AIM2: variants seen among roughly 807,000 people sequenced by gnomAD.
AIM2 encodes the protein absent in melanoma 2.
In AIM2, 30 loss-of-function variants were observed where a neutral mutation model predicts 27.7. The observed-to-expected ratio is 1.08, with a 90% CI of 0.81 to 1.47. The LOEUF (loss-of-function observed/expected upper bound fraction) is 1.47. Among genes scored for constraint, AIM2 ranks in the 40% most tolerant of loss-of-function variants. AIM2 has a pLI of 0.00. For synonymous variants in AIM2, 141 were observed against 145.3 expected, an observed-to-expected ratio of 0.97 and a Z score of 0.21; for missense variants, 358 against 411.3, an observed-to-expected ratio of 0.87 and a Z score of 1.12.
At chr1:159,114,393 T>A (rs548207276) in intron 1 of AIM2, among the ~76,000 whole-genome samples, 5 of 152,198 alleles carry the variant, frequency 3.3e-5, no homozygotes, top group African/African-American at 4.8e-5. Context: ...TGACCAGTCC[T>A]GCTTGGAAAA....
At chr1:159,121,452 A>G (rs913804562) in intron 1 of AIM2, among the ~76,000 whole-genome samples, 10 of 152,164 alleles carry the variant, frequency 6.6e-5, no homozygotes, top group Admixed American at 6.5e-4. Context: ...GATCTCAGAG[A>G]CCAGTTTGAC....
chr1:159,080,634 C>T (rs1656754952), upstream of AIM2, among the ~76,000 whole-genome samples: 1 of 152,132 alleles, frequency 6.6e-6, no homozygotes, highest in African/African-American at 2.4e-5. Context: ...TTAGGCCTCA[C>T]CCCCAGCATT....
downstream of AIM2, among the ~76,000 whole-genome samples, chr1:159,058,281 G>A (rs1019522019): frequency 2.6e-5 from 4 of 151,600 alleles, no homozygotes; most frequent in East Asian, 1.9e-4. Flanking sequence ...CCCGGGAGGC[G>A]GAGGTTGCAG....
Position 159,095,377 on chromosome 1 carries a change from A to G in AIM2, c.-15-29048T>C, listed in dbSNP as rs537317805. Among the ~76,000 whole-genome samples the G allele has an allele frequency of 6.6e-5, 10 of 152,330 alleles. 1 individual carries two copies. In the South Asian group the frequency reaches 1.0e-3, roughly 16 times the overall value. On this transcript the variant is annotated intron_variant, in intron 1 of 2. Transcript: ENST00000368129. The stretch of plus-strand genomic sequence containing the variant: ...TTGTTACAAATGTCAACTCGAATCA[A>G]TTTGGTAGTGGTTGCATGTACTTGA...
chr1:159,074,402 T>C (rs1446107684), intron 1 of AIM2, among the ~76,000 whole-genome samples: 2 of 152,222 alleles, frequency 1.3e-5, no homozygotes, highest in Non-Finnish European at 2.9e-5. Flanking sequence ...TTCATATGAA[T>C]ATGAATTTTC....
rs370997800 is a variant in AIM2, at chr1:159,073,256, G to T, written c.244C>A (p.Gln82Lys). 3.1e-6 allele frequency: 5 copies of T among 1,614,166 alleles called. No individual in the cohort carries two copies. Among genetic ancestry groups the T allele is most frequent in the Non-Finnish European group, 4.2e-6 (5 of 1,180,022 alleles). Residue 82 changes from glutamine to lysine, a missense_variant, in exon 2 of 6, where the codon CAG becomes AAG. Coordinates refer to ENST00000368130, the MANE Select transcript of AIM2 (RefSeq NM_004833.3). Reference sequence around the variant, plus strand: ...ACATTACCTTTCTCCTTCTCCTCCTGAAGACGTTTTGCCAAAAGCATATAA... The same window carrying T: ...ACATTACCTTTCTCCTTCTCCTCCTTAAGACGTTTTGCCAAAAGCATATAA... Reference protein sequence around the residue: ...LNYMLLAKRLQEEKEKVDKQY... With the variant: ...LNYMLLAKRLKEEKEKVDKQY...
chr1:159,129,790 T>A (rs767727677), intron 1 of AIM2, among the ~76,000 whole-genome samples: 16 of 152,224 alleles, frequency 1.1e-4, no homozygotes, highest in Non-Finnish European at 1.9e-4. Context: ...CCTTCAATGT[T>A]TGTCTTTATG....
chr1:159,093,609 A>G (rs1243117925), intron 1 of AIM2, among the ~76,000 whole-genome samples: 2 of 152,164 alleles, frequency 1.3e-5, no homozygotes, highest in Non-Finnish European at 2.9e-5. Context: ...AATACATTAC[A>G]GCTGTGAAAA....
intron 1 of AIM2, among the ~76,000 whole-genome samples, chr1:159,109,482 T>C (rs570986253): frequency 6.6e-6 from 1 of 152,304 alleles, no homozygotes; most frequent in East Asian, 1.9e-4. Context: ...GAAAAAACCC[T>C]TCTAGACATT....
chr1:159,131,309 C>T (rs1647867243), intron 1 of AIM2, among the ~76,000 whole-genome samples: 1 of 152,102 alleles, frequency 6.6e-6, no homozygotes, highest in Non-Finnish European at 1.5e-5. Context: ...TACTGTGTTT[C>T]TCTAAATTCT....
At chr1:159,126,251 A>G (rs1337976498) in intron 1 of AIM2, among the ~76,000 whole-genome samples, 1 of 152,156 alleles carries the variant, frequency 6.6e-6, no homozygotes, top group Non-Finnish European at 1.5e-5. Flanking sequence ...GTCTCCACCC[A>G]TTTCCTGCAC....
At chr1:159,092,981 G>A (rs1176759172) in intron 1 of AIM2, among the ~76,000 whole-genome samples, 5 of 151,808 alleles carry the variant, frequency 3.3e-5, no homozygotes, top group South Asian at 2.1e-4. Context: ...AGCCAAGATC[G>A]CGCCACTACA....
At chr1:159,140,361 G>A (rs748937778) in intron 1 of AIM2, 3 of 152,220 alleles carry the variant, frequency 2.0e-5, no homozygotes, top group Non-Finnish European at 4.4e-5. Flanking sequence ...CTATAAACAT[G>A]CACACATGGA....
intron 4 of AIM2, among the ~76,000 whole-genome samples, chr1:159,063,937 T>C (rs1008893724): frequency 3.9e-5 from 6 of 152,240 alleles, no homozygotes; most frequent in African/African-American, 1.4e-4. Flanking sequence ...ATGATCTACT[T>C]CCACTTAATG....
intron 3 of AIM2, among the ~76,000 whole-genome samples, chr1:159,067,306 A>G (rs1313278793): frequency 6.6e-6 from 1 of 152,212 alleles, no homozygotes. Context: ...ATTTTTCTGA[A>G]TTAACAGAGA....
chr1:159,088,261 G>C (rs1656962758), intron 1 of AIM2, among the ~76,000 whole-genome samples: 1 of 152,132 alleles, frequency 6.6e-6, no homozygotes, highest in Non-Finnish European at 1.5e-5. Flanking sequence ...CTGACACTTG[G>C]ATCCTACATC....
At chr1:159,085,121 C>T (rs1044446364) in intron 1 of AIM2, among the ~76,000 whole-genome samples, 4 of 152,096 alleles carry the variant, frequency 2.6e-5, no homozygotes, top group Admixed American at 6.5e-5. Context: ...TGAAGCCAGC[C>T]GCATCAGCAA....
chr1:159,115,653 C>A (rs1469153569), intron 1 of AIM2, among the ~76,000 whole-genome samples: 1 of 152,128 alleles, frequency 6.6e-6, no homozygotes, highest in Non-Finnish European at 1.5e-5. Context: ...GAAACTGGAT[C>A]CCTTCCTTAT....
intron 2 of AIM2, among the ~76,000 whole-genome samples, chr1:159,071,664 C>T (rs1656369362): frequency 6.6e-6 from 1 of 152,230 alleles, no homozygotes; most frequent in Admixed American, 6.5e-5. Context: ...TGCCCGCCAC[C>T]ATGCCTGGCT....
Sources: allele counts gnomAD v4.1 joint callset (sites outside exome capture counted in the v4.1 genomes callset), GRCh38; gene constraint gnomAD v4.1.1; transcripts MANE v1.5; gene names NCBI Gene and HGNC (gene_info 2026-07-23, HGNC 2026-07-21).